The following FBXL17 variants were observed in gnomAD, a reference collection of about 807,000 sequenced individuals.
FBXL17 encodes F-box/LRR-repeat protein 17.
Under a neutral mutation model 66.2 loss-of-function variants are expected in FBXL17, and 22 were observed. That is an observed-to-expected ratio of 0.33 (90% confidence interval 0.24 to 0.47). The LOEUF (loss-of-function observed/expected upper bound fraction) is 0.47, where lower values mean the gene tolerates loss of function less well. Among genes scored for constraint, FBXL17 ranks in the 20% least tolerant of loss-of-function variants. The pLI, the probability that FBXL17 is intolerant of heterozygous loss-of-function variation, is 1.00. For synonymous variants in FBXL17, 474 were observed against 400.5 expected (o/e 1.18, Z -2.19); for missense variants, 878 against 948.2 (o/e 0.93, Z 0.97).
intron 6 of FBXL17, among the ~76,000 whole-genome samples, chr5:108,148,631 T>C (rs1318896772): frequency 1.3e-5 from 2 of 152,240 alleles, no homozygotes; most frequent in Non-Finnish European, 2.9e-5. Context: ...AACGTAATTA[T>C]ATAGAATTAC....
intron 6 of FBXL17, among the ~76,000 whole-genome samples, chr5:108,091,687 C>G (rs1040704141): frequency 6.6e-6 from 1 of 152,112 alleles, no homozygotes; most frequent in African/African-American, 2.4e-5. Context: ...ACAGCACATA[C>G]CCTCTACACT....
intron 6 of FBXL17, among the ~76,000 whole-genome samples, chr5:108,076,700 C>T (rs966393810): frequency 2.0e-5 from 3 of 152,130 alleles, no homozygotes; most frequent in Non-Finnish European, 2.9e-5. Context: ...TACCTTAATA[C>T]GGCAATGTCC....
intron 4 of FBXL17, among the ~76,000 whole-genome samples, chr5:108,285,137 T>C (rs879420211): frequency 2.0e-5 from 3 of 151,926 alleles, no homozygotes; most frequent in Non-Finnish European, 4.4e-5. Flanking sequence ...AGTTTGATCA[T>C]GCAACTGCAG....
At chr5:108,049,200 C>T (rs6865439) in intron 6 of FBXL17, among the ~76,000 whole-genome samples, 85,862 of 151,426 alleles carry the variant, frequency 0.57, 24,455 homozygotes, top group Admixed American at 0.63. Context: ...TGGAGTGCAG[C>T]GGCGAGATCT....
chr5:107,878,155 T>C, intron 8 of FBXL17: 1 of 767,338 alleles, frequency 1.3e-6, no homozygotes, highest in African/African-American at 1.9e-5. Flanking sequence ...ATTACTGACA[T>C]ATTTGTATAA....
chr5:108,372,744 T>TCCCCTAAAAG (rs1749127107), intron 1 of FBXL17, among the ~76,000 whole-genome samples: 1 of 152,160 alleles, frequency 6.6e-6, no homozygotes, highest in Non-Finnish European at 1.5e-5. Flanking sequence ...TTGTCACTGG[T>TCCCCTAAAAG]AAACTTCCCC....
chr5:108,120,528 T>C (rs1236916040), intron 6 of FBXL17, among the ~76,000 whole-genome samples: 1 of 152,204 alleles, frequency 6.6e-6, no homozygotes, highest in African/African-American at 2.4e-5. Flanking sequence ...AGTTTATAGT[T>C]TGATCTAAAA....
chr5:107,898,734 T>G (rs1341683137), intron 7 of FBXL17, among the ~76,000 whole-genome samples: 1 of 152,126 alleles, frequency 6.6e-6, no homozygotes, highest in Non-Finnish European at 1.5e-5. Flanking sequence ...GCTTTTCTGT[T>G]CCTGTGATAG....
chr5:107,880,371 T>A, intron 8 of FBXL17: 1 of 986,014 alleles, frequency 1.0e-6, no homozygotes, highest in Non-Finnish European at 1.2e-6. Flanking sequence ...CAGTATAGAT[T>A]TTTATTATCT....
intron 4 of FBXL17, among the ~76,000 whole-genome samples, chr5:108,336,097 G>T (rs973574098): frequency 1.3e-5 from 2 of 151,852 alleles, no homozygotes; most frequent in African/African-American, 4.8e-5. Flanking sequence ...TCCCATTTTT[G>T]ATTCTACAAA....
At chr5:108,326,489 G>C (rs962745398) in intron 4 of FBXL17, among the ~76,000 whole-genome samples, 2 of 152,018 alleles carry the variant, frequency 1.3e-5, no homozygotes, top group Non-Finnish European at 2.9e-5. Context: ...TGTAATCCCA[G>C]CTACTCAGGA....
At chr5:107,982,079 G>A (rs900022654) in intron 7 of FBXL17, among the ~76,000 whole-genome samples, 1 of 152,062 alleles carries the variant, frequency 6.6e-6, no homozygotes, top group Admixed American at 6.6e-5. Flanking sequence ...AGCTTAATGA[G>A]GGCAATTTCA....
intron 3 of FBXL17, among the ~76,000 whole-genome samples, chr5:108,355,936 G>C (rs1747956671): frequency 6.6e-6 from 1 of 152,122 alleles, no homozygotes; most frequent in Non-Finnish European, 1.5e-5. Flanking sequence ...CTAAAAGACA[G>C]ATTGTCAAAA....
intron 6 of FBXL17, among the ~76,000 whole-genome samples, chr5:108,093,073 CT>C (rs1749244214): frequency 6.6e-6 from 1 of 152,052 alleles, no homozygotes; most frequent in Non-Finnish European, 1.5e-5. Flanking sequence ...GTGCAGACCT[CT>C]TTTTTCACCA....
At chr5:108,090,076 G>A (rs868739866) in intron 6 of FBXL17, among the ~76,000 whole-genome samples, 31 of 152,056 alleles carry the variant, frequency 2.0e-4, no homozygotes, top group Admixed American at 6.5e-5. Context: ...CAATCTACCC[G>A]CCTTGGCCTC....
At chr5:108,318,123 A>G (rs1224942868) in intron 4 of FBXL17, among the ~76,000 whole-genome samples, 1 of 151,676 alleles carries the variant, frequency 6.6e-6, no homozygotes, top group African/African-American at 2.4e-5. Flanking sequence ...GTTTCCTAAT[A>G]TAAAAGGAGA....
chr5:108,370,743 G>A (rs1248261808), intron 1 of FBXL17, among the ~76,000 whole-genome samples: 3 of 148,394 alleles, frequency 2.0e-5, no homozygotes, highest in South Asian at 2.1e-4. Flanking sequence ...ACTCCTTCTC[G>A]GAAAAAAAAA....
At chr5:108,203,133 T>G (rs1316972127) in intron 5 of FBXL17, among the ~76,000 whole-genome samples, 2 of 152,256 alleles carry the variant, frequency 1.3e-5, no homozygotes, top group Non-Finnish European at 2.9e-5. Context: ...ATGTCAGGAC[T>G]AACAAGTTAT....
intron 5 of FBXL17, among the ~76,000 whole-genome samples, chr5:108,188,591 TG>T (rs1753335197): frequency 6.6e-6 from 1 of 152,216 alleles, no homozygotes; most frequent in African/African-American, 2.4e-5. Context: ...AACTGGTACT[TG>T]GCAACCAAAG....
Sources: allele counts gnomAD v4.1 joint callset (sites outside exome capture counted in the v4.1 genomes callset), GRCh38; gene constraint gnomAD v4.1.1; transcripts MANE v1.5; gene names NCBI Gene and HGNC (gene_info 2026-07-23, HGNC 2026-07-21).